Variants in HPSE2 observed in about 807,000 individuals in gnomAD.
HPSE2 encodes heparanase 2 (inactive), also known as inactive heparanase-2.
A neutral mutation model predicts 60.5 loss-of-function variants in HPSE2; 38 were observed. The observed-to-expected ratio is 0.63, with a 90% CI of 0.48 to 0.82. The LOEUF is 0.82. HPSE2 is among the 40% of genes least tolerant of loss of function. The pLI is 0.00. For synonymous variants in HPSE2, 295 were observed against 293.2 expected, an observed-to-expected ratio of 1.01 and a Z score of -0.06; for missense variants, 713 against 740.4, an observed-to-expected ratio of 0.96 and a Z score of 0.43.
chr10:98,899,617 A>G (rs572394573), intron 3 of HPSE2, among the ~76,000 whole-genome samples: 1 of 152,316 alleles, frequency 6.6e-6, no homozygotes, highest in African/African-American at 2.4e-5. Context: ...ATGAAGGACT[A>G]CTGCACACCT....
intron 3 of HPSE2, among the ~76,000 whole-genome samples, chr10:98,754,012 G>A (rs190249835): frequency 6.6e-6 from 1 of 152,208 alleles, no homozygotes; most frequent in East Asian, 1.9e-4. Context: ...AGGCTGAAAT[G>A]GCTGAAGTGA....
intron 3 of HPSE2, among the ~76,000 whole-genome samples, chr10:98,992,889 T>G (rs1337200915): frequency 6.6e-6 from 1 of 152,212 alleles, no homozygotes; most frequent in East Asian, 1.9e-4. Flanking sequence ...TGTTTGACCT[T>G]GGACAAATTA....
intron 3 of HPSE2, among the ~76,000 whole-genome samples, chr10:98,844,145 A>C (rs914879628): frequency 1.3e-5 from 2 of 152,180 alleles, no homozygotes; most frequent in South Asian, 4.1e-4. Flanking sequence ...CTCACCAGCA[A>C]ACTGAGGAAG....
intron 9 of HPSE2, among the ~76,000 whole-genome samples, chr10:98,497,515 T>A (rs1941885051): frequency 6.6e-6 from 1 of 152,206 alleles, no homozygotes; most frequent in Non-Finnish European, 1.5e-5. Flanking sequence ...TTCATTATTA[T>A]CATTTATTTT....
chr10:99,135,601 C>T (rs1232418299), intron 3 of HPSE2, among the ~76,000 whole-genome samples: 1 of 152,148 alleles, frequency 6.6e-6, no homozygotes, highest in Non-Finnish European at 1.5e-5. Flanking sequence ...TGAATGACTA[C>T]TGGGTAAATA....
At position 98,663,833 on chromosome 10, in the gene HPSE2, A is replaced by G. The variant is rs1947288756; in HGVS notation, c.1005-21893T>C. Among the ~76,000 whole-genome samples the G allele has an allele frequency of 5.3e-5, 8 of 152,262 alleles. No individual in the cohort carries two copies. The South Asian group carries it at 1.7e-3, about 32-fold the overall frequency. The stretch of plus-strand genomic sequence containing the variant: ...GCCTGGCACCAGCTACCATAACGCC[A>G]GTAGTGGTCACAGTCATGGTGCCAG... On this transcript the variant is annotated intron_variant, in intron 6 of 11. Coordinates refer to ENST00000370552, the MANE Select transcript of HPSE2 (RefSeq NM_021828.5).
chr10:99,239,849 A>T (rs906197197), upstream of HPSE2, among the ~76,000 whole-genome samples: 2 of 152,178 alleles, frequency 1.3e-5, no homozygotes, highest in African/African-American at 4.8e-5. Flanking sequence ...CTAAAATGAC[A>T]TGTCAAAATA....
chr10:98,895,659 A>G (rs1953466230), intron 3 of HPSE2, among the ~76,000 whole-genome samples: 1 of 151,888 alleles, frequency 6.6e-6, no homozygotes, highest in African/African-American at 2.4e-5. Flanking sequence ...GGCACTATTC[A>G]CAATAGCAAA....
intron 5 of HPSE2, among the ~76,000 whole-genome samples, chr10:98,700,247 T>A (rs961931604): frequency 6.6e-6 from 1 of 150,410 alleles, no homozygotes; most frequent in African/African-American, 2.4e-5. Flanking sequence ...CAAACTATAC[T>A]ACAAGGCTAC....
intron 3 of HPSE2, among the ~76,000 whole-genome samples, chr10:98,834,905 T>C (rs934173475): frequency 6.6e-6 from 1 of 152,122 alleles, no homozygotes; most frequent in African/African-American, 2.4e-5. Flanking sequence ...TATAGTTACT[T>C]ATGATTTCAA....
intron 3 of HPSE2, among the ~76,000 whole-genome samples, chr10:99,141,347 A>G (rs1845860037): frequency 6.6e-6 from 1 of 152,170 alleles, no homozygotes; most frequent in Non-Finnish European, 1.5e-5. Context: ...CTGATGCTCT[A>G]CTGGAATTAC....
intron 3 of HPSE2, among the ~76,000 whole-genome samples, chr10:98,982,469 A>G (rs141758511): frequency 1.1e-3 from 172 of 152,346 alleles, no homozygotes; most frequent in African/African-American, 4.0e-3. Context: ...CTCAGTTTTT[A>G]AAGTCACTGA....
chr10:99,043,709 G>T (rs1167798547), intron 3 of HPSE2, among the ~76,000 whole-genome samples: 1 of 152,002 alleles, frequency 6.6e-6, no homozygotes, highest in East Asian at 1.9e-4. Flanking sequence ...TTCACTACAA[G>T]AATTTTGTAA....
intron 3 of HPSE2, among the ~76,000 whole-genome samples, chr10:99,025,219 C>G (rs79176338): frequency 6.6e-6 from 1 of 151,896 alleles, no homozygotes; most frequent in East Asian, 1.9e-4. Flanking sequence ...CTTTTTGCTC[C>G]TTTGTTTGTT....
intron 6 of HPSE2, among the ~76,000 whole-genome samples, chr10:98,657,261 T>C (rs2134076132): frequency 6.6e-6 from 1 of 151,118 alleles, no homozygotes; most frequent in South Asian, 2.1e-4. Context: ...TTAGCCCTTA[T>C]TTATACAAAG....
intron 3 of HPSE2, among the ~76,000 whole-genome samples, chr10:99,042,142 C>T (rs529828607): frequency 1.4e-3 from 215 of 151,972 alleles, no homozygotes; most frequent in African/African-American, 5.0e-3. Flanking sequence ...TGCTTCTGCC[C>T]TGGTCCCTGC....
At chr10:99,102,494 C>T (rs1187670984) in intron 3 of HPSE2, among the ~76,000 whole-genome samples, 1 of 152,012 alleles carries the variant, frequency 6.6e-6, no homozygotes, top group East Asian at 1.9e-4. Flanking sequence ...TAATTAATAC[C>T]CTACCAACCA....
chr10:98,569,728 G>A (rs187303355), intron 9 of HPSE2, among the ~76,000 whole-genome samples: 55 of 152,130 alleles, frequency 3.6e-4, no homozygotes, highest in Non-Finnish European at 6.0e-4. Context: ...CTAGGCCCAG[G>A]GATGCACAGA....
chr10:98,698,927 C>G (rs1455541159), intron 5 of HPSE2, among the ~76,000 whole-genome samples: 1 of 152,168 alleles, frequency 6.6e-6, no homozygotes, highest in Non-Finnish European at 1.5e-5. Flanking sequence ...TACACCCTCC[C>G]AAGACTAAAC....
Sources: gnomAD v4.1 joint callset for allele counts (sites outside exome capture counted in the v4.1 genomes callset) on GRCh38, gnomAD v4.1.1 for gene constraint, MANE v1.5 for transcripts, NCBI Gene and HGNC (gene_info 2026-07-23, HGNC 2026-07-21) for gene names.